CELSR1: variants seen among roughly 807,000 people sequenced by gnomAD.
CELSR1 encodes the protein adhesion G protein-coupled receptor C1.
CELSR1 carries 110 observed loss-of-function variants against 249.1 expected under a neutral mutation model. The ratio of observed to expected loss-of-function variants is 0.44; its 90% CI spans 0.38 to 0.52. The LOEUF (loss-of-function observed/expected upper bound fraction) is 0.52. Among genes scored for constraint, CELSR1 ranks in the 20% least tolerant of loss-of-function variants. The pLI is 0.00. For synonymous variants in CELSR1, 2,113 were observed against 1,900.0 expected (o/e 1.11, Z -2.92); for missense variants, 4,109 against 4,296.4 (o/e 0.96, Z 1.22).
chr22:46,386,301 G>T (rs566615842), intron 19 of CELSR1, 101 bp downstream of exon 19: 34 of 1,301,288 alleles, frequency 2.6e-5, no homozygotes, highest in South Asian at 1.2e-4. Flanking sequence ...CATGGCCAAG[G>T]GGGGGCCGGG....
chr22:46,368,077 G>A (rs1318658341), intron 27 of CELSR1, among the ~76,000 whole-genome samples: 2 of 152,204 alleles, frequency 1.3e-5, no homozygotes, highest in African/African-American at 2.4e-5. Context: ...GGGGGTGGTG[G>A]TGGAATACAT....
intron 2 of CELSR1, among the ~76,000 whole-genome samples, chr22:46,453,862 G>T (rs1009666777): frequency 1.3e-5 from 2 of 152,168 alleles, no homozygotes; most frequent in Non-Finnish European, 2.9e-5. Context: ...TATTTACCGG[G>T]TGTGAGTGGT....
chr22:46,487,316 TATA>T (rs1279485110), intron 1 of CELSR1, among the ~76,000 whole-genome samples: 1 of 151,608 alleles, frequency 6.6e-6, no homozygotes, highest in Non-Finnish European at 1.5e-5. Context: ...AACTATTTGG[TATA>T]ATATCTTTTT....
Position 46,537,307 on chromosome 22 carries a change from G to T in CELSR1, c.-137C>A. 1 of 951,356 alleles carries T rather than the reference G, an allele frequency of 1.1e-6. No homozygotes were observed. Among genetic ancestry groups the T allele is most frequent in the Non-Finnish European group, 1.3e-6 (1 of 796,312 alleles). The allele number at this position is 951,356 out of a possible 1,614,324, so 58.9% of individuals were successfully genotyped here. ...GGCGGTCCGCGTCCCGCCTCCCCGG[G>T]GGCCCTGGCGGGGACTGTGGGGACC... is the stretch of plus-strand genomic sequence containing the variant. On this transcript the variant is annotated 5_prime_UTR_variant, in exon 1 of 35. Coordinates refer to ENST00000674500, the MANE Select transcript of CELSR1 (RefSeq NM_001378328.1). The surrounding 1 kb of genome is among the most constrained non-coding windows in gnomAD (Gnocchi z 5.8).
chr22:46,481,610 CCTGA>C, intron 1 of CELSR1: 5 of 714,654 alleles, frequency 7.0e-6, no homozygotes, highest in South Asian at 4.8e-5. Flanking sequence ...TCCGTGGAGG[CCTGA>C]CTGTCCTCAC....
In CELSR1 at chr22:46,534,339, CTCGATGTAGAAGTCCCCA is replaced by C. The variant is rs767630015; in HGVS notation, c.2814_2831del (p.Asp938_Ile943del). On this transcript the variant is annotated inframe_deletion, in exon 1 of 35. Coordinates refer to ENST00000674500, the MANE Select transcript of CELSR1 (RefSeq NM_001378328.1). The surrounding 1 kb of genome is among the most constrained non-coding windows in gnomAD (Gnocchi z 9.7). ...GGGTGCGAATCACACCGGACGTGGG[CTCGATGTAGAAGTCCCCA>C]TCGCCGTCGTCCCCACCCTGGAAGG... 6.2e-7 allele frequency: 1 copy of C among 1,613,040 alleles called. No homozygotes were observed. Among genetic ancestry groups the C allele is most frequent in the South Asian group, 1.1e-5 (1 of 91,086 alleles).
rs1379506496 is a variant in CELSR1, at chr22:46,508,463, GCTGTCCCCTCA to G, written c.3544+25153_3544+25163del. On this transcript the variant is annotated intron_variant, in intron 1 of 34. Transcript: ENST00000674500. ...CACCCCCGCCCCTTGCTGTCCCCTC[GCTGTCCCCTCA>G]CTGTCCTCCTGCCAGAGCCCTTTGT... 3.4e-5 allele frequency among the ~76,000 whole-genome samples: 3 copies of G among 88,366 alleles called. No homozygotes were observed. In the Admixed American group the frequency reaches 5.4e-4, roughly 16 times the overall value. The allele number at this position is 88,366 out of a possible 152,430, so 58.0% of individuals were successfully genotyped here.
At position 46,445,429 on chromosome 22, in the gene CELSR1, G is replaced by A. The variant is rs913516742; in HGVS notation, c.4184-6018C>T. ...GAATCTCTTGAATCCAGGAGGTAGA[G>A]ATTGCGGTGAACCAAAAATTGCACC... On this transcript the variant is annotated intron_variant, in intron 2 of 34. Coordinates refer to ENST00000674500, the MANE Select transcript of CELSR1 (RefSeq NM_001378328.1). The surrounding 1 kb of genome is among the most constrained non-coding windows in gnomAD (Gnocchi z 4.4). Among the ~76,000 whole-genome samples the A allele has an allele frequency of 6.6e-6, 1 of 152,200 alleles. No homozygotes were observed. Among genetic ancestry groups the A allele is most frequent in the East Asian group, 1.9e-4 (1 of 5,186 alleles).
Position 46,411,697 on chromosome 22 carries a change from T to G in CELSR1, c.4674A>C (p.Thr1558=). The part of the protein sequence containing the change: ...GPSGEKMAVV[T]VDDCDTTMAV... ...CCATGGTTGTGTCACAATCATCCAC[T>G]GTCACCACGGCCATCTTTTCCCCGG... Residue 1558 remains threonine, a synonymous_variant, in exon 6 of 35, where the codon ACA becomes ACC. Coordinates refer to ENST00000674500, the MANE Select transcript of CELSR1 (RefSeq NM_001378328.1). The surrounding 1 kb of genome is among the most constrained non-coding windows in gnomAD (Gnocchi z 4.2). The G allele has an allele frequency of 6.2e-7, 1 of 1,614,220 alleles. No homozygotes were observed. The highest frequency in any genetic ancestry group is 8.5e-7 in the Non-Finnish European group (1 of 1,180,038).
Position 46,367,065 on chromosome 22 carries a change from G to T in CELSR1, c.8133C>A (p.His2711Gln). ...TCCTCCCGCCGAGCACGCCCTTCAG[G>T]TGCTTCCGGACCTCCTGGTTGAGCA... ...HCVLNQEVRKHLKGVLGGRKL... is the reference protein window; with the variant it reads ...HCVLNQEVRKQLKGVLGGRKL... Residue 2711 changes from histidine (H) to glutamine (Q), a missense_variant, in exon 29 of 35, where the codon CAC becomes CAA. Around this residue, in one of 7 missense-constraint regions of CELSR1, gnomAD observed 1,805 missense variants for 1,831.6 expected, o/e 0.99. Transcript: ENST00000674500. 1 of 1,611,572 alleles carries T rather than the reference G, an allele frequency of 6.2e-7. No individual in the cohort carries two copies. Among genetic ancestry groups the T allele is most frequent in the Non-Finnish European group, 8.5e-7 (1 of 1,179,710 alleles).
intron 1 of CELSR1, among the ~76,000 whole-genome samples, chr22:46,519,474 T>C (rs887132066): frequency 6.6e-6 from 1 of 152,194 alleles, no homozygotes; most frequent in African/African-American, 2.4e-5. Context: ...GGCTACGATT[T>C]GGGAGCCCCC....
Position 46,463,923 on chromosome 22 carries a change from G to A in CELSR1, c.3967C>T (p.Arg1323Ter), listed in dbSNP as rs1313644796. 1 of 1,613,986 alleles carries A rather than the reference G, an allele frequency of 6.2e-7. No homozygotes were observed. The highest frequency in any genetic ancestry group is 8.5e-7 in the Non-Finnish European group (1 of 1,179,996). Residue 1323 changes from arginine to a stop codon, truncating the protein, a stop_gained, in exon 2 of 35, where the codon CGA becomes TGA. Coordinates refer to ENST00000674500, the MANE Select transcript of CELSR1 (RefSeq NM_001378328.1). LOFTEE classifies it high-confidence loss of function. ...ENYMKCVSVL[R>*]FDSSAPFLSS... Reference sequence around the variant, plus strand: ...AGGAAGGGCGCGGAGCTGTCGAATCGCAGAACGGACACGCACTTCATGTAG... The same window carrying A: ...AGGAAGGGCGCGGAGCTGTCGAATCACAGAACGGACACGCACTTCATGTAG...
intron 1 of CELSR1, among the ~76,000 whole-genome samples, chr22:46,508,266 C>G (rs1037579059): frequency 4.0e-5 from 6 of 151,662 alleles, no homozygotes; most frequent in East Asian, 3.9e-4. Flanking sequence ...GGGACAGAAG[C>G]CAGCCCTGCT....
chr22:46,509,522 G>T (rs2080550782), intron 1 of CELSR1, among the ~76,000 whole-genome samples: 1 of 152,254 alleles, frequency 6.6e-6, no homozygotes, highest in Admixed American at 6.5e-5. Flanking sequence ...TCATCTCAGT[G>T]GGGGAGTCAA....
rs570670717 is a variant in CELSR1, at chr22:46,398,985, C to T, written c.5413-348G>A. Among the ~76,000 whole-genome samples the T allele has an allele frequency of 1.0e-3, 153 of 152,320 alleles. No individual in the cohort carries two copies. The highest frequency in any genetic ancestry group is 3.6e-3 in the African/African-American group (149 of 41,564). On this transcript the variant is annotated intron_variant, in intron 10 of 34. Coordinates refer to ENST00000674500, the MANE Select transcript of CELSR1 (RefSeq NM_001378328.1). The surrounding 1 kb of genome is among the most constrained non-coding windows in gnomAD (Gnocchi z 7.2). ...GGCGAGTCAGGAAGACTGCAGTGAA[C>T]GGAAATCCGCTCACTCATTAACACT...
intron 5 of CELSR1, among the ~76,000 whole-genome samples, chr22:46,416,519 G>A (rs1334406474): frequency 1.3e-5 from 2 of 152,160 alleles, no homozygotes; most frequent in Non-Finnish European, 2.9e-5. Flanking sequence ...GAGACAGCAG[G>A]GGCTGCCCAC....
intron 1 of CELSR1, among the ~76,000 whole-genome samples, chr22:46,505,400 G>A (rs1175478273): frequency 2.0e-5 from 3 of 152,120 alleles, no homozygotes; most frequent in Non-Finnish European, 4.4e-5. Context: ...TTGGAAGGCT[G>A]AGGTGGGAAA....
chr22:46,423,465 C>T lies in CELSR1; in HGVS notation c.4611+9928G>A, dbSNP rs376585851. ...TACTAAAAATACAAAATTAGCCGGG[C>T]GTGGTGGTGCAGGCCTGTAATCCCA... is the stretch of plus-strand genomic sequence containing the variant. On this transcript the variant is annotated intron_variant, in intron 5 of 34. Transcript: ENST00000674500. The surrounding 1 kb of genome is among the most constrained non-coding windows in gnomAD (Gnocchi z 5.6). 2.6e-5 allele frequency among the ~76,000 whole-genome samples: 4 copies of T among 151,968 alleles called. No homozygotes were observed. In the South Asian group the frequency reaches 8.3e-4, roughly 32 times the overall value.
chr22:46,373,002 G>A lies in CELSR1; in HGVS notation c.7640C>T (p.Ala2547Val), dbSNP rs2147187765. The A allele has an allele frequency of 1.9e-6, 3 of 1,613,052 alleles. No individual in the cohort carries two copies. Among genetic ancestry groups the A allele is most frequent in the South Asian group, 1.1e-5 (1 of 90,994 alleles). ...ATGCAGGCTCTCCACGAGGGTCCAG[G>A]CAAAGGTGCTCATGTAGATGTAGTG... ...LLHYIYMSTFAWTLVESLHVY... is the reference protein window; with the variant it reads ...LLHYIYMSTFVWTLVESLHVY... The change falls in exon 25 of 35, where the codon GCC (alanine) becomes GTC (valine). Residue 2547 changes from alanine (A) to valine (V), a missense_variant. This residue lies in a region of CELSR1 where 1,805 missense variants were observed against 1,831.6 expected (regional missense o/e 0.99). Coordinates refer to ENST00000674500, the MANE Select transcript of CELSR1 (RefSeq NM_001378328.1).
Sources: gnomAD v4.1 joint callset for allele counts (sites outside exome capture counted in the v4.1 genomes callset) on GRCh38, gnomAD v4.1.1 for gene constraint, gnomAD v4.1.1 regional missense constraint, Gnocchi (gnomAD v3.1) non-coding constraint, MANE v1.5 for transcripts, NCBI Gene and HGNC (gene_info 2026-07-23, HGNC 2026-07-21) for gene names.